SNX27: variants seen among roughly 807,000 people sequenced by gnomAD.
SNX27 encodes the protein sorting nexin-27.
In SNX27, 22 loss-of-function variants were observed where a neutral mutation model predicts 71.6. That is an observed-to-expected ratio of 0.31 (90% CI 0.22 to 0.44). SNX27 has a LOEUF of 0.44. SNX27 is among the 20% of genes least tolerant of loss of function. The pLI, the probability that SNX27 is intolerant of heterozygous loss-of-function variation, is 1.00. For synonymous variants in SNX27, 269 were observed against 277.2 expected (o/e 0.97, Z 0.29); for missense variants, 531 against 698.6 (o/e 0.76, Z 2.70).
At chr1:151,654,035 G>A (rs1669561660) in intron 2 of SNX27, among the ~76,000 whole-genome samples, 1 of 151,886 alleles carries the variant, frequency 6.6e-6, no homozygotes, top group African/African-American at 2.4e-5. Context: ...GTTTCAGCAT[G>A]TTGGCTGGGA....
At chr1:151,673,243 ATTGT>A (rs1422427578) in intron 7 of SNX27, among the ~76,000 whole-genome samples, 1 of 152,064 alleles carries the variant, frequency 6.6e-6, no homozygotes, top group African/African-American at 2.4e-5. Context: ...TCAGGAGTAT[ATTGT>A]TTAATTTCCA....
Position 151,643,786 on chromosome 1 carries a change from G to T in SNX27, c.543+4667G>T, listed in dbSNP as rs185693158. 2.6e-3 allele frequency among the ~76,000 whole-genome samples: 395 copies of T among 151,864 alleles called. 8 individuals carry two copies. Among genetic ancestry groups the T allele is most frequent in the Non-Finnish European group, 6.2e-4 (42 of 67,962 alleles). On this transcript the variant is annotated intron_variant, in intron 2 of 11. Coordinates refer to ENST00000458013, the MANE Select transcript of SNX27 (RefSeq NM_001330723.2). The stretch of plus-strand genomic sequence containing the variant: ...AGCAATTCTCCTGCCTCAGCCTCCC[G>T]AGTAGTTGTGATTACAGGCATGTGC...
At chr1:151,678,157 A>G (rs1376160795) in intron 7 of SNX27, 2 of 152,156 alleles carry the variant, frequency 1.3e-5, no homozygotes, top group Non-Finnish European at 2.9e-5. Flanking sequence ...CAGCCTCCCA[A>G]AGTGTTGGGA....
In SNX27 at chr1:151,696,046, T is replaced by G. The variant is rs1671685670; in HGVS notation, c.*1629T>G. The G allele has an allele frequency of 6.6e-6, 1 of 152,200 alleles. No homozygotes were observed. Among genetic ancestry groups the G allele is most frequent in the Non-Finnish European group, 1.5e-5 (1 of 68,058 alleles). 9.4% of individuals were successfully genotyped at this position (152,200 alleles called of 1,614,324 possible). A position where few individuals can be genotyped will look rare whatever the true frequency, so the allele number is the denominator to read the frequency against. On this transcript the variant is annotated 3_prime_UTR_variant, in exon 12 of 12. Transcript: ENST00000458013. ...GAAGGAGTAGTAGGAATATGGTTGA[T>G]TAGATTGGATCTCCCAAGTTTTAAT... is the stretch of plus-strand genomic sequence containing the variant.
intron 2 of SNX27, among the ~76,000 whole-genome samples, chr1:151,641,656 G>A (rs1173989780): frequency 2.6e-3 from 294 of 114,272 alleles, no homozygotes; most frequent in African/African-American, 9.0e-3. Flanking sequence ...TATATCATAT[G>A]TATCAGATAT....
chr1:151,671,992 A>G (rs1418204154), intron 7 of SNX27, among the ~76,000 whole-genome samples: 1 of 152,168 alleles, frequency 6.6e-6, no homozygotes, highest in Non-Finnish European at 1.5e-5. Flanking sequence ...GATGCCCTTT[A>G]TAACTTTGTC....
intron 1 of SNX27, among the ~76,000 whole-genome samples, chr1:151,620,251 C>G (rs902226986): frequency 6.6e-6 from 1 of 152,126 alleles, no homozygotes; most frequent in East Asian, 1.9e-4. Flanking sequence ...ATTTTTTTCT[C>G]TTTATGAGCT....
chr1:151,687,490 T>C (rs1164074406), intron 8 of SNX27, among the ~76,000 whole-genome samples: 1 of 152,210 alleles, frequency 6.6e-6, no homozygotes, highest in Non-Finnish European at 1.5e-5. Context: ...ACTCTGATTC[T>C]GGTTTTGGGA....
At chr1:151,662,485 G>A (rs1019185787) in intron 5 of SNX27, 2 of 303,836 alleles carry the variant, frequency 6.6e-6, no homozygotes, top group African/African-American at 2.2e-5. Flanking sequence ...TGTGATTAAC[G>A]CCTCCTTTTT....
rs16833450 is a variant in SNX27 at position 151,666,327 on chromosome 1, A to G, written c.985+316A>G. On this transcript the variant is annotated intron_variant, in intron 6 of 11. Transcript: ENST00000458013. ...AAAATGGGATGTTCTATTTAGCCAC[A>G]TGTTGTTTTAGTGTACTTTATAGGA... 446 of 206,160 alleles carry G rather than the reference A, an allele frequency of 2.2e-3. 1 individual carries two copies. Among genetic ancestry groups the G allele is most frequent in the African/African-American group, 9.4e-3 (410 of 43,676 alleles). The allele number at this position is 206,160 out of a possible 1,614,324, so 12.8% of individuals were successfully genotyped here.
At chr1:151,621,723 G>C (rs1667685284) in intron 1 of SNX27, among the ~76,000 whole-genome samples, 1 of 152,140 alleles carries the variant, frequency 6.6e-6, no homozygotes, top group Non-Finnish European at 1.5e-5. Context: ...TCTATGTGTT[G>C]ATCTAGTTTT....
At chr1:151,689,677 A>G (rs1671347858) in intron 8 of SNX27, among the ~76,000 whole-genome samples, 1 of 152,214 alleles carries the variant, frequency 6.6e-6, no homozygotes, top group South Asian at 2.1e-4. Context: ...TTCAAGGGTC[A>G]ACGACACCCA....
intron 2 of SNX27, among the ~76,000 whole-genome samples, chr1:151,657,409 C>G (rs1222599254): frequency 6.6e-6 from 1 of 152,156 alleles, no homozygotes; most frequent in Admixed American, 6.5e-5. Context: ...CTCAAGCAAT[C>G]TGCCTGCCTG....
intron 2 of SNX27, among the ~76,000 whole-genome samples, chr1:151,654,130 C>T (rs771254528): frequency 2.6e-5 from 4 of 152,294 alleles, no homozygotes; most frequent in East Asian, 1.9e-4. Context: ...CGTGCCCGGC[C>T]GACCCTGGAG....
At chr1:151,668,945 T>C (rs1670336464) in intron 7 of SNX27, among the ~76,000 whole-genome samples, 1 of 152,172 alleles carries the variant, frequency 6.6e-6, no homozygotes, top group Admixed American at 6.5e-5. Flanking sequence ...ACATAGAGTT[T>C]AAAGCATCAA....
At chr1:151,632,430 A>G (rs982393964) in intron 1 of SNX27, among the ~76,000 whole-genome samples, 2 of 152,226 alleles carry the variant, frequency 1.3e-5, no homozygotes, top group Non-Finnish European at 2.9e-5. Context: ...TGCTGGGATT[A>G]CAGGCATGAG....
chr1:151,689,399 G>A (rs1671335828), intron 8 of SNX27, among the ~76,000 whole-genome samples: 1 of 152,208 alleles, frequency 6.6e-6, no homozygotes, highest in Non-Finnish European at 1.5e-5. Flanking sequence ...CAGAAGAGAA[G>A]ACCCCAGGTA....
intron 2 of SNX27, among the ~76,000 whole-genome samples, chr1:151,646,297 T>C (rs1289275182): frequency 6.6e-6 from 1 of 152,148 alleles, no homozygotes; most frequent in Non-Finnish European, 1.5e-5. Context: ...TCTTGCTTTT[T>C]TATCCAGTCT....
intron 7 of SNX27, 43 bp downstream of exon 7, chr1:151,668,678 GTT>G (rs1267143654): frequency 6.3e-7 from 1 of 1,582,642 alleles, no homozygotes; most frequent in Non-Finnish European, 8.6e-7. Context: ...TTCTTTTTAT[GTT>G]TGAATATAGT....
Sources: gnomAD v4.1 joint callset for allele counts (sites outside exome capture counted in the v4.1 genomes callset) on GRCh38, gnomAD v4.1.1 for gene constraint, MANE v1.5 for transcripts, NCBI Gene and HGNC (gene_info 2026-07-23, HGNC 2026-07-21) for gene names.